JMJD1C: variants seen among roughly 807,000 people sequenced by gnomAD.
JMJD1C encodes jumonji domain-containing protein 1C.
In JMJD1C, 31 loss-of-function variants were observed where a neutral mutation model predicts 245.3. The ratio of observed to expected loss-of-function variants is 0.13; its 90% CI spans 0.09 to 0.17. JMJD1C has a LOEUF of 0.17. Among genes scored for constraint, JMJD1C ranks in the 10% least tolerant of loss-of-function variants. JMJD1C has a pLI of 1.00. For synonymous variants in JMJD1C, 1,057 were observed against 1,017.4 expected (o/e 1.04, Z -0.74); for missense variants, 2,691 against 3,000.2 (o/e 0.90, Z 2.41).
rs1859933183 is a variant in JMJD1C, at chr10:63,300,337, T to TCC, written c.334-35574_334-35573insGG. On this transcript the variant is annotated intron_variant, in intron 2 of 25. Coordinates refer to ENST00000399262, the MANE Select transcript of JMJD1C (RefSeq NM_032776.3). ...CAATAAGATTAGAGATGAAAATATT[T>TCC]GTACCAAAAGAAAGGGAAGCTATCT... 2.0e-5 allele frequency among the ~76,000 whole-genome samples: 3 copies of TCC among 152,160 alleles called. No individual in the cohort carries two copies. In the East Asian group the frequency reaches 5.8e-4, roughly 29 times the overall value.
chr10:63,393,891 C>T (rs1182881548), intron 1 of JMJD1C, among the ~76,000 whole-genome samples: 1 of 152,076 alleles, frequency 6.6e-6, no homozygotes, highest in Non-Finnish European at 1.5e-5. Flanking sequence ...ATAAAGCTAT[C>T]GTAAAGGTGC....
rs140954137 is a variant in JMJD1C at position 63,352,892 on chromosome 10, T to C, written c.333+27426A>G. On this transcript the variant is annotated intron_variant, in intron 2 of 25. Transcript: ENST00000399262. ...CGGGGCCAACTTCAGGACTTGAGTA[T>C]GTGTGGAATTTGGTAAAAGTAGGCT... Among the ~76,000 whole-genome samples the C allele has an allele frequency of 3.2e-3, 491 of 152,206 alleles. 3 individuals carry two copies. The highest frequency in any genetic ancestry group is 0.011 in the African/African-American group (476 of 41,542).
chr10:63,220,013 T>C (rs1848422929), intron 3 of JMJD1C, 30 bp from the exon 4 acceptor site: 1 of 1,493,440 alleles, frequency 6.7e-7, no homozygotes, highest in South Asian at 1.2e-5. Context: ...GAAAGGTCCA[T>C]GTTACGCTCT....
chr10:63,207,638 T>C lies in JMJD1C; in HGVS notation c.4031A>G (p.Lys1344Arg), dbSNP rs766647468. 4.3e-6 allele frequency: 7 copies of C among 1,614,078 alleles called. No homozygotes were observed. Among genetic ancestry groups the C allele is most frequent in the Middle Eastern group, 1.6e-4 (1 of 6,084 alleles). Residue 1344 changes from lysine (K) to arginine (R), a missense_variant, in exon 10 of 26, where the codon AAA becomes AGA. Physicochemically the swap from Lys to Arg is conservative, Grantham distance 26. Transcript: ENST00000399262. ...TCCAGTTTCTCCGGCTTCTGCTAGT[T>C]TGAGGCAATCTGTTTTATGTGCCCC... ...SAGAHKTDCL[K>R]LAEAGETGRI...
chr10:63,230,766 C>T (rs1050700492), intron 3 of JMJD1C, among the ~76,000 whole-genome samples: 9 of 150,544 alleles, frequency 6.0e-5, no homozygotes, highest in Non-Finnish European at 1.3e-4. Flanking sequence ...CAGAGTGAGA[C>T]TGTCCCCCCC....
chr10:63,305,629 C>CGTGTGTGTGTGTGTGTGTGTGTGT lies in JMJD1C; in HGVS notation c.334-40889_334-40866dup, dbSNP rs36038855. Among the ~76,000 whole-genome samples, 266 of 121,768 alleles carry CGTGTGTGTGTGTGTGTGTGTGTGT rather than the reference C, an allele frequency of 2.2e-3. 6 individuals carry two copies. The highest frequency in any genetic ancestry group is 2.9e-3 in the Non-Finnish European group (166 of 57,410). The allele number at this position is 121,768 out of a possible 152,430, so 79.9% of individuals were successfully genotyped here. A position where few individuals can be genotyped will look rare whatever the true frequency, so the allele number is the denominator to read the frequency against. The stretch of plus-strand genomic sequence containing the variant: ...CTACGGGCAAGCACCACCATGCTGG[C>CGTGTGTGTGTGTGTGTGTGTGTGT]GTGTGTGTGTGTGTGTGTGTGTGTG... On this transcript the variant is annotated intron_variant, in intron 2 of 25. Transcript: ENST00000399262.
chr10:63,194,683 G>A (rs1325423261), intron 13 of JMJD1C: 1 of 237,952 alleles, frequency 4.2e-6, no homozygotes, highest in South Asian at 6.9e-5. Flanking sequence ...TATCTTTGTA[G>A]CTAATCTTCT....
At chr10:63,293,544 G>A (rs1859025568) in intron 2 of JMJD1C, among the ~76,000 whole-genome samples, 1 of 151,910 alleles carries the variant, frequency 6.6e-6, no homozygotes, top group Admixed American at 6.6e-5. Context: ...CACACTCATT[G>A]TCATAAAATA....
chr10:63,363,853 A>ATTTTTT (rs759663605), intron 2 of JMJD1C, among the ~76,000 whole-genome samples: 1 of 126,470 alleles, frequency 7.9e-6, no homozygotes, highest in Non-Finnish European at 1.7e-5. Flanking sequence ...TGCCTGGCTA[A>ATTTTTT]TTTTTTTTTT....
chr10:63,311,461 T>C (rs762764889), intron 2 of JMJD1C, among the ~76,000 whole-genome samples: 114 of 152,208 alleles, frequency 7.5e-4, no homozygotes, highest in Non-Finnish European at 1.1e-3. Context: ...GTGTCCATCA[T>C]GGAGAAAAGT....
upstream of JMJD1C, among the ~76,000 whole-genome samples, chr10:63,469,616 G>C (rs1311286531): frequency 2.6e-5 from 4 of 152,160 alleles, no homozygotes; most frequent in Admixed American, 2.0e-4. Flanking sequence ...TATCTGGAAA[G>C]ATAGACAATA....
intron 24 of JMJD1C, among the ~76,000 whole-genome samples, chr10:63,171,702 A>G (rs1469981234): frequency 7.0e-6 from 1 of 143,750 alleles, no homozygotes; most frequent in African/African-American, 3.0e-5. Context: ...CATTGAAATC[A>G]GAAACTCTGG....
chr10:63,294,792 T>C (rs1859182293), intron 2 of JMJD1C, among the ~76,000 whole-genome samples: 1 of 152,234 alleles, frequency 6.6e-6, no homozygotes, highest in Non-Finnish European at 1.5e-5. Context: ...CAAAGATTTC[T>C]TCAATTTTGT....
At chr10:63,250,265 G>T (rs1382080085) in intron 3 of JMJD1C, among the ~76,000 whole-genome samples, 2 of 152,076 alleles carry the variant, frequency 1.3e-5, no homozygotes, top group Non-Finnish European at 2.9e-5. Flanking sequence ...TGATCCTCCT[G>T]CTTTGGCTCT....
intron 1 of JMJD1C, among the ~76,000 whole-genome samples, chr10:63,482,393 T>C (rs1425109967): frequency 1.3e-5 from 2 of 152,130 alleles, no homozygotes; most frequent in Non-Finnish European, 2.9e-5. Flanking sequence ...CCCAGCACTT[T>C]GGGAAGCTGA....
At chr10:63,185,190 GCACGATCTCAGCT>G (rs753650262) in intron 20 of JMJD1C, among the ~76,000 whole-genome samples, 8 of 152,198 alleles carry the variant, frequency 5.3e-5, no homozygotes, top group African/African-American at 9.7e-5. Flanking sequence ...GAGTTCAGTG[GCACGATCTCAGCT>G]CACTGCAGCC....
chr10:63,471,310 C>CT (rs1953485976), intron 1 of JMJD1C, among the ~76,000 whole-genome samples: 1 of 152,152 alleles, frequency 6.6e-6, no homozygotes, highest in Non-Finnish European at 1.5e-5. Context: ...AATGTAAAAT[C>CT]TAAACTAAAA....
At chr10:63,329,444 C>T (rs1430751798) in intron 2 of JMJD1C, among the ~76,000 whole-genome samples, 1 of 132,558 alleles carries the variant, frequency 7.5e-6, no homozygotes, top group African/African-American at 2.9e-5. Flanking sequence ...TATTCAGAAA[C>T]TTGGGTGAAT....
Position 63,516,025 on chromosome 10 carries a change from C to T in JMJD1C, n.113+5713G>A, listed in dbSNP as rs912609525. Among the ~76,000 whole-genome samples, 13 of 146,308 alleles carry T rather than the reference C, an allele frequency of 8.9e-5. No homozygotes were observed. In the East Asian group the frequency reaches 2.3e-3, roughly 26 times the overall value. ...CCTCCTGCTATCAAGAATATAATAC[C>T]TTTATCTATTTTTTTGTACTTTTAT... On this transcript the variant is annotated intron_variant and non_coding_transcript_variant, in intron 1 of 3. Coordinates refer to the JMJD1C transcript ENST00000633035.
Sources: gnomAD v4.1 joint callset for allele counts (sites outside exome capture counted in the v4.1 genomes callset) on GRCh38, gnomAD v4.1.1 for gene constraint, MANE v1.5 for transcripts, NCBI Gene and HGNC (gene_info 2026-07-23, HGNC 2026-07-21) for gene names.